The following MITF variants were observed in gnomAD, a reference collection of about 807,000 sequenced individuals.
MITF encodes microphthalmia-associated transcription factor.
In MITF, 17 loss-of-function variants were observed where a neutral mutation model predicts 60.5. The observed-to-expected ratio is 0.28, with a 90% CI of 0.19 to 0.42. The LOEUF (loss-of-function observed/expected upper bound fraction) is 0.42. MITF is among the 10% of genes least tolerant of loss of function. MITF has a pLI of 1.00. For synonymous variants in MITF, 260 were observed against 248.5 expected, an observed-to-expected ratio of 1.05 and a Z score of -0.43; for missense variants, 622 against 683.5, an observed-to-expected ratio of 0.91 and a Z score of 1.00.
chr3:69,791,114 C>T (rs182585136), intron 1 of MITF, among the ~76,000 whole-genome samples: 7 of 152,218 alleles, frequency 4.6e-5, no homozygotes, highest in Non-Finnish European at 8.8e-5. Flanking sequence ...TGCCATTTTG[C>T]GTACAGCAAA....
intron 1 of MITF, chr3:69,763,636 C>G (rs1456036670): frequency 8.1e-7 from 1 of 1,228,706 alleles, no homozygotes. Flanking sequence ...GTAATAATCT[C>G]CTTTCTGAGA....
intron 8 of MITF, 50 bp downstream of exon 8, chr3:69,956,580 T>C (rs763134214): frequency 1.4e-6 from 2 of 1,443,580 alleles, no homozygotes; most frequent in Middle Eastern, 1.8e-4. Flanking sequence ...CGTACCTGAA[T>C]GTTTTTTCAT....
At chr3:69,941,423 G>T in intron 5 of MITF, 92 bp downstream of exon 5, 1 of 759,272 alleles carries the variant, frequency 1.3e-6, no homozygotes, top group East Asian at 2.7e-5. Context: ...TTTGTAACTG[G>T]TTCACTGATT....
At chr3:69,872,145 A>C (rs537439860) in intron 1 of MITF, among the ~76,000 whole-genome samples, 1 of 152,208 alleles carries the variant, frequency 6.6e-6, no homozygotes, top group Non-Finnish European at 1.5e-5. Flanking sequence ...TTTCCTTGAA[A>C]GGAATTGAGT....
chr3:69,965,775 A>G lies in MITF; in HGVS notation c.*527A>G, dbSNP rs2066675792. ...ACCCCTCTAGCTTTGTTTAGTCTTT[A>G]TACTGCAAACTATTTAAAGAAATAT... is the stretch of plus-strand genomic sequence containing the variant. On this transcript the variant is annotated 3_prime_UTR_variant, in exon 10 of 10. Transcript: ENST00000352241. 4.3e-6 allele frequency: 1 copy of G among 232,104 alleles called. No homozygotes were observed. The highest frequency in any genetic ancestry group is 8.5e-6 in the Non-Finnish European group (1 of 117,554). The allele number at this position is 232,104 out of a possible 1,614,324, so 14.4% of individuals were successfully genotyped here. A position where few individuals can be genotyped will look rare whatever the true frequency, so the allele number is the denominator to read the frequency against.
At chr3:69,900,357 G>A (rs905403994) in intron 2 of MITF, among the ~76,000 whole-genome samples, 4 of 152,138 alleles carry the variant, frequency 2.6e-5, no homozygotes. Flanking sequence ...ACATTTTCCT[G>A]TTTCTGAACC....
At chr3:69,800,394 A>C (rs780470773) in intron 1 of MITF, among the ~76,000 whole-genome samples, 2 of 152,040 alleles carry the variant, frequency 1.3e-5, no homozygotes, top group Non-Finnish European at 2.9e-5. Flanking sequence ...CCTGCTATGA[A>C]CTTTCTTGTA....
chr3:69,870,281 C>T (rs930256445), intron 1 of MITF, among the ~76,000 whole-genome samples: 12 of 146,976 alleles, frequency 8.2e-5, no homozygotes, highest in East Asian at 2.0e-4. Flanking sequence ...CACACACACA[C>T]GTGTGTGTGT....
At chr3:69,908,301 A>G (rs1364432277) in intron 2 of MITF, among the ~76,000 whole-genome samples, 2 of 152,186 alleles carry the variant, frequency 1.3e-5, no homozygotes, top group African/African-American at 4.8e-5. Context: ...AAAGTGAAGA[A>G]TAATTTCCAT....
intron 2 of MITF, chr3:69,936,904 G>A (rs1207349636): frequency 1.9e-5 from 10 of 533,770 alleles, no homozygotes; most frequent in Admixed American, 3.1e-5. Flanking sequence ...GCCATAAGAA[G>A]TAATTCAATG....
intron 1 of MITF, among the ~76,000 whole-genome samples, chr3:69,855,260 C>G (rs894546434): frequency 7.1e-5 from 6 of 84,600 alleles, no homozygotes; most frequent in East Asian, 3.5e-4. Flanking sequence ...TTCCCATAAG[C>G]AAAAAAAAAA....
intron 1 of MITF, among the ~76,000 whole-genome samples, chr3:69,868,917 A>G (rs2064169333): frequency 6.6e-6 from 1 of 150,544 alleles, no homozygotes; most frequent in African/African-American, 2.5e-5. Flanking sequence ...AAAAAAAAAG[A>G]CAGCTATTTG....
Position 69,965,354 on chromosome 3 carries a change from A to T in MITF, c.*106A>T, listed in dbSNP as rs748243343. The T allele has an allele frequency of 6.6e-5, 82 of 1,248,194 alleles. No individual in the cohort carries two copies. Among genetic ancestry groups the T allele is most frequent in the Admixed American group, 2.8e-4 (13 of 45,740 alleles). The allele number at this position is 1,248,194 out of a possible 1,614,324, so 77.3% of individuals were successfully genotyped here. A position where few individuals can be genotyped will look rare whatever the true frequency, so the allele number is the denominator to read the frequency against. ...CTTGATAATTTTCCTTTAATATGAA[A>T]TTTTTTTTCATGCTTTATCAATAGC... is the stretch of plus-strand genomic sequence containing the variant. On this transcript the variant is annotated 3_prime_UTR_variant, in exon 10 of 10. Coordinates refer to ENST00000352241, the MANE Select transcript of MITF (RefSeq NM_001354604.2).
Position 69,965,046 on chromosome 3 carries a change from A to G in MITF, c.1379A>G (p.Asn460Ser), listed in dbSNP as rs751890826. 6.2e-7 allele frequency: 1 copy of G among 1,613,894 alleles called. No individual in the cohort carries two copies. Among genetic ancestry groups the G allele is most frequent in the South Asian group, 1.1e-5 (1 of 91,056 alleles). Reference sequence around the variant, plus strand: ...GATGGCACCATCACCTTCAACAACAACCTCGGAACTGGGACTGAGGCCAAC... The same window carrying G: ...GATGGCACCATCACCTTCAACAACAGCCTCGGAACTGGGACTGAGGCCAAC... ...LTDGTITFNN[N>S]LGTGTEANQA... The change falls in exon 10 of 10, where the codon AAC (asparagine) becomes AGC (serine). Residue 460 changes from asparagine (N) to serine (S), a missense_variant. This residue lies in a region of MITF where 224 missense variants were observed against 209.5 expected (regional missense o/e 1.07). Transcript: ENST00000352241.
At chr3:69,954,510 A>G (rs1320836088) in intron 7 of MITF, among the ~76,000 whole-genome samples, 2 of 152,188 alleles carry the variant, frequency 1.3e-5, no homozygotes, top group Non-Finnish European at 2.9e-5. Context: ...TGCTGTTCAC[A>G]TATCTGGAGG....
At chr3:69,753,190 C>T (rs760783727) in intron 1 of MITF, among the ~76,000 whole-genome samples, 6 of 152,152 alleles carry the variant, frequency 3.9e-5, no homozygotes, top group Non-Finnish European at 8.8e-5. Context: ...CTCATAGAGG[C>T]CCAGGTTACA....
At position 69,889,336 on chromosome 3, in the gene MITF, A is replaced by G. The variant is rs550654616; in HGVS notation, c.354+9953A>G. ...ACATTTCCTGTTCTCTCTGGGTCTC[A>G]GTGTCCTCATCTATAAAATGGAGGT... is the stretch of plus-strand genomic sequence containing the variant. On this transcript the variant is annotated intron_variant, in intron 2 of 9. Coordinates refer to ENST00000352241, the MANE Select transcript of MITF (RefSeq NM_001354604.2). Among the ~76,000 whole-genome samples the G allele has an allele frequency of 1.1e-4, 17 of 151,948 alleles. No homozygotes were observed. In the South Asian group the frequency reaches 3.5e-3, roughly 32 times the overall value.
chr3:69,756,593 A>G (rs1704157254), intron 1 of MITF, among the ~76,000 whole-genome samples: 1 of 152,196 alleles, frequency 6.6e-6, no homozygotes, highest in Non-Finnish European at 1.5e-5. Context: ...TGCAATAAAC[A>G]TACATGTACA....
chr3:69,827,282 A>T (rs1483805941), intron 1 of MITF, among the ~76,000 whole-genome samples: 2 of 152,226 alleles, frequency 1.3e-5, no homozygotes, highest in Non-Finnish European at 2.9e-5. Flanking sequence ...GTGGATGTGC[A>T]GTGAGACAAA....
Sources: gnomAD v4.1 joint callset for allele counts (sites outside exome capture counted in the v4.1 genomes callset) on GRCh38, gnomAD v4.1.1 for gene constraint, gnomAD v4.1.1 regional missense constraint, MANE v1.5 for transcripts, NCBI Gene and HGNC (gene_info 2026-07-23, HGNC 2026-07-21) for gene names.